COL10A1: variants seen among roughly 807,000 people sequenced by gnomAD.
The protein encoded by COL10A1 is collagen type X alpha 1 chain, also known as collagen alpha-1(X) chain.
Under a neutral mutation model 18.2 loss-of-function variants are expected in COL10A1, and 10 were observed. That is an observed-to-expected ratio of 0.55 (90% CI 0.34 to 0.93). The LOEUF (loss-of-function observed/expected upper bound fraction) is 0.93. Among genes scored for constraint, COL10A1 ranks in the 40% least tolerant of loss-of-function variants. COL10A1 has a pLI of 0.02. For synonymous variants in COL10A1, 330 were observed against 316.6 expected, an observed-to-expected ratio of 1.04 and a Z score of -0.45; for missense variants, 897 against 853.5, an observed-to-expected ratio of 1.05 and a Z score of -0.64.
upstream of COL10A1, among the ~76,000 whole-genome samples, chr6:116,163,230 T>C (rs1338428620): frequency 2.0e-5 from 3 of 148,746 alleles, no homozygotes; most frequent in African/African-American, 7.4e-5. Flanking sequence ...CCCCTGGTCC[T>C]GGGTTTTTTT....
chr6:116,153,453 A>T (rs891199323), intron 1 of COL10A1, among the ~76,000 whole-genome samples: 2 of 152,030 alleles, frequency 1.3e-5, no homozygotes, highest in African/African-American at 4.8e-5. Flanking sequence ...TCTCTATTCC[A>T]CTGGAGTTCA....
rs1779596868 is a variant in COL10A1 at position 116,136,193 on chromosome 6, TC to T, written c.-15-10687del. Among the ~76,000 whole-genome samples, 3 of 152,120 alleles carry T rather than the reference TC, an allele frequency of 2.0e-5. No individual in the cohort carries two copies. The South Asian group carries it at 6.2e-4, about 32-fold the overall frequency. On this transcript the variant is annotated intron_variant, in intron 1 of 1. Coordinates refer to the COL10A1 transcript ENST00000418500. ...TATGAGTGAGATCATGCAGTATTTG[TC>T]CTTCTGTGTCTGGTGTATTTCACTT...
chr6:116,163,952 T>C, the COL10A1 span, among the ~76,000 whole-genome samples: 2 of 152,344 alleles, frequency 1.3e-5, no homozygotes, highest in East Asian at 3.9e-4. Context: ...TGCTATATTC[T>C]GAGAGGATAC....
chr6:116,165,825 G>C, the COL10A1 span, among the ~76,000 whole-genome samples: 4 of 152,236 alleles, frequency 2.6e-5, no homozygotes, highest in South Asian at 8.3e-4. Flanking sequence ...TCAAGTCAGA[G>C]CAGGTTCTGG....
chr6:116,147,700 G>A (rs1779933535), intron 1 of COL10A1, among the ~76,000 whole-genome samples: 1 of 152,126 alleles, frequency 6.6e-6, no homozygotes, highest in Non-Finnish European at 1.5e-5. Context: ...CTTTAAAAAT[G>A]TTAAATGCAC....
chr6:116,216,635 GATTT>G, the COL10A1 span, among the ~76,000 whole-genome samples: 5 of 151,568 alleles, frequency 3.3e-5, no homozygotes, highest in East Asian at 1.9e-4. Flanking sequence ...AGATATTCTA[GATTT>G]ATTTATTTAA....
chr6:116,209,490 C>T, the COL10A1 span, among the ~76,000 whole-genome samples: 1 of 151,918 alleles, frequency 6.6e-6, no homozygotes, highest in African/African-American at 2.4e-5. Context: ...AAGAAAAATA[C>T]ATAAATATGC....
At chr6:116,216,858 A>G in the COL10A1 span, among the ~76,000 whole-genome samples, 2 of 152,196 alleles carry the variant, frequency 1.3e-5, no homozygotes, top group Non-Finnish European at 1.5e-5. Flanking sequence ...GTACATTTAA[A>G]CAGTTCATCG....
the COL10A1 span, among the ~76,000 whole-genome samples, chr6:116,207,386 C>G: frequency 1.3e-5 from 2 of 151,580 alleles, no homozygotes; most frequent in Non-Finnish European, 2.9e-5. Context: ...AAATCCTTTA[C>G]AATCTTTAAT....
At chr6:116,156,334 C>T (rs140140740) in intron 1 of COL10A1, among the ~76,000 whole-genome samples, 1 of 152,146 alleles carries the variant, frequency 6.6e-6, no homozygotes, top group African/African-American at 2.4e-5. Context: ...GGTTGTAGAT[C>T]TCATTCAACT....
upstream of COL10A1, among the ~76,000 whole-genome samples, chr6:116,129,924 TCACA>T (rs1779420377): frequency 6.6e-6 from 1 of 152,170 alleles, no homozygotes; most frequent in African/African-American, 2.4e-5. Context: ...ACACATTCAC[TCACA>T]CACAGATACA....
At chr6:116,134,099 G>A (rs1178271658) in intron 1 of COL10A1, among the ~76,000 whole-genome samples, 1 of 152,176 alleles carries the variant, frequency 6.6e-6, no homozygotes, top group Non-Finnish European at 1.5e-5. Context: ...AAAGTGAAAT[G>A]ACACATAAGT....
At chr6:116,163,141 A>AAAATATATATATATAT (rs761718922), upstream of COL10A1, among the ~76,000 whole-genome samples, 52 of 88,360 alleles carry the variant, frequency 5.9e-4, no homozygotes, top group African/African-American at 3.0e-3. Context: ...AAAAAAAAAA[A>AAAATATATATATATAT]ATATATATAT....
the COL10A1 span, among the ~76,000 whole-genome samples, chr6:116,192,437 G>A: frequency 1.3e-5 from 2 of 151,950 alleles, no homozygotes; most frequent in Non-Finnish European, 2.9e-5. Flanking sequence ...TTTAAAAAGA[G>A]AAAATTAGTA....
chr6:116,129,798 C>T (rs1779417797), upstream of COL10A1, among the ~76,000 whole-genome samples: 2 of 152,114 alleles, frequency 1.3e-5, no homozygotes, highest in African/African-American at 4.8e-5. Flanking sequence ...GTTGAAAAGC[C>T]GTGTCATCTG....
intron 1 of COL10A1, among the ~76,000 whole-genome samples, chr6:116,138,175 A>G (rs1779660871): frequency 1.3e-5 from 2 of 152,172 alleles, no homozygotes. Flanking sequence ...ATATTATTTC[A>G]TTTACTTGTC....
chr6:116,157,179 C>T (rs570945144), intron 1 of COL10A1, among the ~76,000 whole-genome samples: 56 of 152,216 alleles, frequency 3.7e-4, no homozygotes, highest in African/African-American at 1.2e-3. Flanking sequence ...GATATTTGCC[C>T]CTTTTCCCTC....
At chr6:116,203,836 T>C in the COL10A1 span, among the ~76,000 whole-genome samples, 3 of 151,986 alleles carry the variant, frequency 2.0e-5, no homozygotes, top group African/African-American at 7.2e-5. Flanking sequence ...GAGTTCCAGA[T>C]ACCTTATATT....
chr6:116,135,873 A>ATATG (rs1491111454), intron 1 of COL10A1, among the ~76,000 whole-genome samples: 129 of 62,170 alleles, frequency 2.1e-3, no homozygotes, highest in South Asian at 0.016. Context: ...ATATATATAT[A>ATATG]CACACATACA....
Sources: gnomAD v4.1 joint callset for allele counts (sites outside exome capture counted in the v4.1 genomes callset) on GRCh38, gnomAD v4.1.1 for gene constraint, MANE v1.5 for transcripts, NCBI Gene and HGNC (gene_info 2026-07-23, HGNC 2026-07-21) for gene names.